PAAF1: variants seen among roughly 807,000 people sequenced by gnomAD.
The protein encoded by PAAF1 is proteasomal ATPase-associated factor 1.
Under a neutral mutation model 52.8 loss-of-function variants are expected in PAAF1, and 46 were observed. That is an observed-to-expected ratio of 0.87 (90% CI 0.69 to 1.11). PAAF1 has a LOEUF of 1.11. Among genes scored for constraint, PAAF1 ranks in the 50% most tolerant of loss-of-function variants. The pLI, the probability that PAAF1 is intolerant of heterozygous loss-of-function variation, is 0.00. For missense variants in PAAF1, 424 were observed against 477.4 expected (o/e 0.89, Z 1.04); for synonymous variants, 178 against 172.8 (o/e 1.03, Z -0.24).
intron 11 of PAAF1, among the ~76,000 whole-genome samples, chr11:73,926,678 C>A (rs935934227): frequency 6.6e-5 from 10 of 152,168 alleles, no homozygotes; most frequent in Non-Finnish European, 1.2e-4. Context: ...CACTGCACTC[C>A]AGCCTGAGCG....
At chr11:73,897,024 A>G (rs1215051328) in intron 4 of PAAF1, among the ~76,000 whole-genome samples, 1 of 122,456 alleles carries the variant, frequency 8.2e-6, no homozygotes. Flanking sequence ...GGCCGGGCAG[A>G]GGGGCTCCTC....
chr11:73,919,985 A>T (rs1156506411), intron 10 of PAAF1, among the ~76,000 whole-genome samples: 2 of 152,190 alleles, frequency 1.3e-5, no homozygotes, highest in Admixed American at 1.3e-4. Flanking sequence ...AAACTTGACA[A>T]CTAAGTCAGT....
At chr11:73,881,446 C>G (rs981270029) in intron 2 of PAAF1, among the ~76,000 whole-genome samples, 1 of 152,028 alleles carries the variant, frequency 6.6e-6, no homozygotes, top group Non-Finnish European at 1.5e-5. Flanking sequence ...TACTACCATG[C>G]CCAGCTAATT....
At chr11:73,926,562 AGCCAG>A (rs1237426773) in intron 11 of PAAF1, among the ~76,000 whole-genome samples, 35 of 152,226 alleles carry the variant, frequency 2.3e-4, no homozygotes, top group Admixed American at 1.8e-3. Flanking sequence ...ACAAAAAATT[AGCCAG>A]GCGTGGTGGT....
intron 7 of PAAF1, among the ~76,000 whole-genome samples, chr11:73,912,849 C>G (rs533771568): frequency 5.8e-4 from 89 of 152,282 alleles, no homozygotes; most frequent in African/African-American, 2.0e-3. Context: ...TCTTTCAGTA[C>G]AGTAGACTCT....
chr11:73,915,684 C>T (rs1200472050), intron 8 of PAAF1, among the ~76,000 whole-genome samples: 1 of 152,194 alleles, frequency 6.6e-6, no homozygotes, highest in Non-Finnish European at 1.5e-5. Flanking sequence ...TTCCTACATC[C>T]TCTGAATTTT....
At chr11:73,917,044 G>A (rs1444516621) in intron 9 of PAAF1, among the ~76,000 whole-genome samples, 1 of 152,012 alleles carries the variant, frequency 6.6e-6, no homozygotes, top group Admixed American at 6.6e-5. Flanking sequence ...TTTTTGAGAT[G>A]GAGTCTCCCT....
chr11:73,884,468 C>T (rs915857112), intron 2 of PAAF1, among the ~76,000 whole-genome samples: 6 of 152,154 alleles, frequency 3.9e-5, no homozygotes, highest in African/African-American at 1.4e-4. Context: ...GCACTCCAGC[C>T]TGGGTGACAG....
At chr11:73,903,477 G>C (rs907993830) in intron 6 of PAAF1, among the ~76,000 whole-genome samples, 1 of 152,190 alleles carries the variant, frequency 6.6e-6, no homozygotes, top group African/African-American at 2.4e-5. Flanking sequence ...AGCACTTTGG[G>C]AGGCCGAGGC....
At chr11:73,919,158 T>A in intron 10 of PAAF1, 126 bp downstream of exon 10, 1 of 753,368 alleles carries the variant, frequency 1.3e-6, no homozygotes, top group Non-Finnish European at 2.2e-6. Context: ...ATATTGTACC[T>A]ATCAATAGTG....
chr11:73,905,905 G>A (rs1316743360), intron 6 of PAAF1, among the ~76,000 whole-genome samples: 1 of 152,168 alleles, frequency 6.6e-6, no homozygotes, highest in Non-Finnish European at 1.5e-5. Context: ...GGAACTTCCA[G>A]TAGAGACATA....
chr11:73,925,175 A>G (rs1290618069), intron 11 of PAAF1, among the ~76,000 whole-genome samples: 45 of 147,954 alleles, frequency 3.0e-4, no homozygotes, highest in Non-Finnish European at 4.2e-4. Flanking sequence ...AAAAAAAAAA[A>G]CAAGTGACTT....
At chr11:73,890,030 A>G (rs1949158051) in intron 3 of PAAF1, among the ~76,000 whole-genome samples, 1 of 152,216 alleles carries the variant, frequency 6.6e-6, no homozygotes, top group South Asian at 2.1e-4. Context: ...TGTTGGATAT[A>G]AAGAGGTTCA....
At chr11:73,897,248 T>C (rs1414088121) in intron 4 of PAAF1, among the ~76,000 whole-genome samples, 3 of 125,978 alleles carry the variant, frequency 2.4e-5, no homozygotes, top group African/African-American at 6.3e-5. Flanking sequence ...CCCCCCCACC[T>C]CCCTCCCGGA....
At chr11:73,878,943 A>G in intron 2 of PAAF1, 124 bp downstream of exon 2, 1 of 813,950 alleles carries the variant, frequency 1.2e-6, no homozygotes, top group Non-Finnish European at 1.9e-6. Context: ...ATGCTTGACC[A>G]GTCTGTACTG....
intron 4 of PAAF1, among the ~76,000 whole-genome samples, chr11:73,894,637 A>G (rs1371996049): frequency 6.6e-6 from 1 of 151,822 alleles, no homozygotes; most frequent in Non-Finnish European, 1.5e-5. Flanking sequence ...ATAATAATAA[A>G]AAAAAATCTA....
At chr11:73,897,547 G>A (rs1949441878) in intron 4 of PAAF1, among the ~76,000 whole-genome samples, 1 of 151,836 alleles carries the variant, frequency 6.6e-6, no homozygotes, top group East Asian at 1.9e-4. Context: ...TCAGACGATG[G>A]GCGGCCGGGC....
At chr11:73,914,697 C>CT (rs371949979) in intron 8 of PAAF1, among the ~76,000 whole-genome samples, 193 bp downstream of exon 8, 9,431 of 126,990 alleles carry the variant, frequency 0.074, 498 homozygotes, top group African/African-American at 0.15. Context: ...AATCCCAGTT[C>CT]TTTTTTTTTT....
intron 2 of PAAF1, among the ~76,000 whole-genome samples, chr11:73,881,352 T>G (rs1948901446): frequency 6.6e-6 from 1 of 152,328 alleles, no homozygotes; most frequent in South Asian, 2.1e-4. Flanking sequence ...AGTGGCATGA[T>G]CTCAGCTCAC....
Sources: gnomAD v4.1 joint callset for allele counts (sites outside exome capture counted in the v4.1 genomes callset) on GRCh38, gnomAD v4.1.1 for gene constraint, MANE v1.5 for transcripts, NCBI Gene and HGNC (gene_info 2026-07-23, HGNC 2026-07-21) for gene names.